SLC71A2: variants seen among roughly 807,000 people sequenced by gnomAD.
SLC71A2 encodes the protein hippocampus abundant transcript-like 1.
the SLC71A2 span, among the ~76,000 whole-genome samples, chr9:94,448,685 T>G: frequency 9.3e-4 from 142 of 152,314 alleles, no homozygotes; most frequent in Admixed American, 3.7e-3. Flanking sequence ...CAGGCTGGAG[T>G]GCAATGGCGT....
the SLC71A2 span, chr9:94,458,190 C>G: frequency 1.6e-6 from 1 of 609,496 alleles, no homozygotes; most frequent in Non-Finnish European, 2.6e-6. Flanking sequence ...AATCTACTTT[C>G]ATTAGCATGC....
the SLC71A2 span, chr9:94,441,175 GT>G: frequency 6.7e-6 from 5 of 743,938 alleles, no homozygotes; most frequent in Non-Finnish European, 1.1e-5. Flanking sequence ...TGGAAAGTGA[GT>G]TTATTAGTCC....
At chr9:94,446,987 G>T in the SLC71A2 span, 1 of 908,674 alleles carries the variant, frequency 1.1e-6, no homozygotes. Context: ...ATCAAAGATG[G>T]AGATTTGTCT....
the SLC71A2 span, among the ~76,000 whole-genome samples, chr9:94,447,915 CT>C: frequency 6.6e-6 from 1 of 152,182 alleles, no homozygotes; most frequent in South Asian, 2.1e-4. Flanking sequence ...AGTATGTAGC[CT>C]TTTCAGATTG....
At chr9:94,378,691 A>G in the SLC71A2 span, among the ~76,000 whole-genome samples, 8 of 152,212 alleles carry the variant, frequency 5.3e-5, no homozygotes, top group Admixed American at 1.3e-4. Flanking sequence ...ACACCAAACA[A>G]TTGAGAAGAG....
the SLC71A2 span, among the ~76,000 whole-genome samples, chr9:94,411,750 C>T: frequency 6.6e-6 from 1 of 152,052 alleles, no homozygotes; most frequent in African/African-American, 2.4e-5. Context: ...GCCACCAAGC[C>T]TTGCTAATTT....
the SLC71A2 span, among the ~76,000 whole-genome samples, chr9:94,439,415 A>G: frequency 2.6e-5 from 4 of 151,498 alleles, no homozygotes; most frequent in Non-Finnish European, 4.4e-5. Context: ...GCCGTAACTT[A>G]GTTGTTTTTT....
At chr9:94,424,251 G>A in the SLC71A2 span, among the ~76,000 whole-genome samples, 1 of 151,692 alleles carries the variant, frequency 6.6e-6, no homozygotes, top group Non-Finnish European at 1.5e-5. Context: ...GCGGAGGGGG[G>A]AGCAATGGAG....
At chr9:94,435,746 C>T in the SLC71A2 span, among the ~76,000 whole-genome samples, 1 of 150,410 alleles carries the variant, frequency 6.6e-6, no homozygotes, top group African/African-American at 2.5e-5. Context: ...CCTCCGCCTC[C>T]TGGGTTCAAG....
the SLC71A2 span, among the ~76,000 whole-genome samples, chr9:94,441,719 T>C: frequency 6.6e-6 from 1 of 151,832 alleles, no homozygotes; most frequent in Non-Finnish European, 1.5e-5. Context: ...TTGTGTGTTT[T>C]GGACATACAT....
At chr9:94,415,242 C>T in the SLC71A2 span, 1 of 1,611,140 alleles carries the variant, frequency 6.2e-7, no homozygotes, top group Non-Finnish European at 8.5e-7. Flanking sequence ...GTTGACAACT[C>T]CAATGTTGAC....
chr9:94,420,697 G>A, the SLC71A2 span, among the ~76,000 whole-genome samples: 5 of 151,472 alleles, frequency 3.3e-5, no homozygotes, highest in South Asian at 4.2e-4. Flanking sequence ...TCAGGAGTTC[G>A]AGATTAGCCT....
the SLC71A2 span, among the ~76,000 whole-genome samples, chr9:94,412,613 T>G: frequency 6.7e-6 from 1 of 148,708 alleles, no homozygotes; most frequent in African/African-American, 2.5e-5. Context: ...CAAAATGCAG[T>G]ATATCGATGC....
chr9:94,407,284 ATAATAAACTGCT>A, the SLC71A2 span, among the ~76,000 whole-genome samples: 1 of 152,078 alleles, frequency 6.6e-6, no homozygotes. Flanking sequence ...GTGTATAACC[ATAATAAACTGCT>A]TAATAAACTG....
chr9:94,421,363 GT>G, the SLC71A2 span, among the ~76,000 whole-genome samples: 2 of 152,146 alleles, frequency 1.3e-5, no homozygotes, highest in South Asian at 2.1e-4. Context: ...ACAATCCTAA[GT>G]AATTTCTGTC....
chr9:94,431,369 G>T, the SLC71A2 span, among the ~76,000 whole-genome samples: 1 of 151,158 alleles, frequency 6.6e-6, no homozygotes, highest in African/African-American at 2.4e-5. Context: ...ATTGTAGTTC[G>T]TTATTTTCAT....
At chr9:94,436,666 A>T in the SLC71A2 span, among the ~76,000 whole-genome samples, 1 of 152,068 alleles carries the variant, frequency 6.6e-6, no homozygotes, top group East Asian at 1.9e-4. Flanking sequence ...ATTTCCCCAG[A>T]CAATGAAGCT....
chr9:94,453,018 A>G, the SLC71A2 span, among the ~76,000 whole-genome samples: 1 of 152,062 alleles, frequency 6.6e-6, no homozygotes, highest in East Asian at 1.9e-4. Context: ...GACAAGGCTT[A>G]TGGGAATGCA....
chr9:94,441,089 CT>C, the SLC71A2 span: 2 of 1,575,424 alleles, frequency 1.3e-6, no homozygotes, highest in African/African-American at 2.7e-5. Context: ...CGAAGTACAG[CT>C]TATGGATGGG....
Sources: gnomAD v4.1 joint callset for allele counts (sites outside exome capture counted in the v4.1 genomes callset) on GRCh38, gnomAD v4.1.1 for gene constraint, MANE v1.5 for transcripts, NCBI Gene and HGNC (gene_info 2026-07-23, HGNC 2026-07-21) for gene names.